CNTNAP2: variants seen among roughly 807,000 people sequenced by gnomAD.
CNTNAP2 encodes the protein contactin-associated protein-like 2.
CNTNAP2 carries 98 observed loss-of-function variants against 155.2 expected under a neutral mutation model. The observed-to-expected ratio is 0.63, with a 90% confidence interval of 0.54 to 0.75. The LOEUF (loss-of-function observed/expected upper bound fraction) is 0.75. Among genes scored for constraint, CNTNAP2 ranks in the 30% least tolerant of loss-of-function variants. CNTNAP2 has a pLI of 0.00. For missense variants in CNTNAP2, 1,727 were observed against 1,688.1 expected (o/e 1.02, Z -0.40); for synonymous variants, 651 against 631.2 (o/e 1.03, Z -0.47).
intron 1 of CNTNAP2, among the ~76,000 whole-genome samples, chr7:146,150,155 T>A (rs1798016207): frequency 3.3e-5 from 5 of 152,204 alleles, no homozygotes; most frequent in Admixed American, 3.3e-4. Context: ...CACAAAACAT[T>A]TAATGTAATA....
chr7:146,731,219 T>C (rs963593189), intron 1 of CNTNAP2, among the ~76,000 whole-genome samples: 3 of 151,916 alleles, frequency 2.0e-5, no homozygotes, highest in African/African-American at 7.3e-5. Context: ...TACAAAACCA[T>C]GATGGGGGAT....
At chr7:146,408,506 G>T (rs1438660534) in intron 1 of CNTNAP2, among the ~76,000 whole-genome samples, 1 of 151,534 alleles carries the variant, frequency 6.6e-6, no homozygotes, top group African/African-American at 2.4e-5. Context: ...ATCATTCTCA[G>T]CAAACTGTCG....
chr7:146,311,512 C>A (rs73461940), intron 1 of CNTNAP2, among the ~76,000 whole-genome samples: 2 of 149,116 alleles, frequency 1.3e-5, no homozygotes, highest in South Asian at 2.1e-4. Context: ...TGGCTCAGAC[C>A]TGTAATTCTA....
chr7:146,835,844 A>G (rs866131090), intron 2 of CNTNAP2, among the ~76,000 whole-genome samples: 32 of 152,292 alleles, frequency 2.1e-4, no homozygotes, highest in African/African-American at 2.6e-4. Flanking sequence ...TGCAGTTTCA[A>G]TGAAGTCTTT....
intron 2 of CNTNAP2, among the ~76,000 whole-genome samples, chr7:146,837,791 T>A (rs927784570): frequency 7.2e-5 from 11 of 152,310 alleles, no homozygotes; most frequent in African/African-American, 1.9e-4. Flanking sequence ...ATATTAGGAC[T>A]AAAATATCCC....
At chr7:146,716,635 A>C (rs889062929) in intron 1 of CNTNAP2, among the ~76,000 whole-genome samples, 5 of 152,128 alleles carry the variant, frequency 3.3e-5, no homozygotes, top group Non-Finnish European at 7.4e-5. Context: ...TCTATAAACC[A>C]CCTGAGTGAC....
intron 1 of CNTNAP2, among the ~76,000 whole-genome samples, chr7:146,280,631 C>T (rs777537479): frequency 4.6e-5 from 7 of 152,136 alleles, no homozygotes; most frequent in Non-Finnish European, 1.0e-4. Context: ...GGCAGATTTT[C>T]ATAAGTAGGG....
chr7:147,907,303 A>G (rs1460343009), intron 14 of CNTNAP2, among the ~76,000 whole-genome samples: 6 of 151,702 alleles, frequency 4.0e-5, no homozygotes, highest in African/African-American at 7.3e-5. Context: ...TGATCTGCCC[A>G]CCTCGGCCTC....
At chr7:147,338,602 A>G (rs1202781352) in intron 9 of CNTNAP2, among the ~76,000 whole-genome samples, 1 of 152,140 alleles carries the variant, frequency 6.6e-6, no homozygotes, top group Non-Finnish European at 1.5e-5. Context: ...TCCTTTTCAA[A>G]TTTTTAATAG....
At chr7:146,574,071 C>T (rs1012841074) in intron 1 of CNTNAP2, among the ~76,000 whole-genome samples, 1 of 152,062 alleles carries the variant, frequency 6.6e-6, no homozygotes, top group Non-Finnish European at 1.5e-5. Flanking sequence ...GAAGAGATAC[C>T]TGTCCTATGA....
chr7:146,328,763 C>T (rs554439635), intron 1 of CNTNAP2, among the ~76,000 whole-genome samples: 12 of 152,314 alleles, frequency 7.9e-5, no homozygotes, highest in Middle Eastern at 3.4e-3. Flanking sequence ...GCTTTAGACT[C>T]CACATCTACG....
intron 4 of CNTNAP2, among the ~76,000 whole-genome samples, chr7:147,066,870 G>A (rs890483733): frequency 1.3e-5 from 2 of 152,154 alleles, no homozygotes. Flanking sequence ...TTTGGGGACT[G>A]GAAATCTAAG....
At chr7:147,471,088 T>G (rs1291838079) in intron 10 of CNTNAP2, among the ~76,000 whole-genome samples, 1 of 152,172 alleles carries the variant, frequency 6.6e-6, no homozygotes, top group African/African-American at 2.4e-5. Flanking sequence ...TGTGGAAATC[T>G]TTGGTGAGTT....
At chr7:147,772,410 T>A (rs1263066274) in intron 13 of CNTNAP2, among the ~76,000 whole-genome samples, 16 of 127,646 alleles carry the variant, frequency 1.3e-4, no homozygotes, top group East Asian at 2.4e-4. Flanking sequence ...AAAAAAAAAA[T>A]ATATATATAT....
intron 10 of CNTNAP2, among the ~76,000 whole-genome samples, chr7:147,465,418 T>A (rs1563214711): frequency 6.6e-6 from 1 of 152,234 alleles, no homozygotes; most frequent in Non-Finnish European, 1.5e-5. Flanking sequence ...TTTATGCGCA[T>A]AAATTGTGTT....
intron 1 of CNTNAP2, among the ~76,000 whole-genome samples, chr7:146,151,682 G>GTATATATA (rs775446723): frequency 5.4e-5 from 4 of 74,140 alleles, no homozygotes; most frequent in South Asian, 1.1e-3. Flanking sequence ...ATATATATAT[G>GTATATATA]TATATATATA....
intron 13 of CNTNAP2, among the ~76,000 whole-genome samples, chr7:147,675,139 C>T (rs535227606): frequency 6.6e-6 from 1 of 152,170 alleles, no homozygotes; most frequent in African/African-American, 2.4e-5. Flanking sequence ...CTTCCATATT[C>T]TGGTGGCTCC....
At chr7:146,448,128 C>T (rs1357973272) in intron 1 of CNTNAP2, among the ~76,000 whole-genome samples, 1 of 151,950 alleles carries the variant, frequency 6.6e-6, no homozygotes, top group Non-Finnish European at 1.5e-5. Context: ...ATGCTACCAA[C>T]ACCAATACAT....
chr7:147,500,751 A>G (rs1313831945), intron 11 of CNTNAP2, among the ~76,000 whole-genome samples: 1 of 152,232 alleles, frequency 6.6e-6, no homozygotes, highest in Non-Finnish European at 1.5e-5. Flanking sequence ...ACAGCATCTT[A>G]AATTCTTTTC....
Sources: allele counts gnomAD v4.1 joint callset (sites outside exome capture counted in the v4.1 genomes callset), GRCh38; gene constraint gnomAD v4.1.1; transcripts MANE v1.5; gene names NCBI Gene and HGNC (gene_info 2026-07-23, HGNC 2026-07-21).